Variants in HADHA observed in about 807,000 individuals in gnomAD.
HADHA encodes trifunctional enzyme subunit alpha, mitochondrial.
HADHA carries 59 observed loss-of-function variants against 91.3 expected under a neutral mutation model. The ratio of observed to expected loss-of-function variants is 0.65; its 90% CI spans 0.52 to 0.80. The LOEUF is 0.80. Ranked by LOEUF, HADHA falls within the 30% of genes least tolerant of loss-of-function variation. The pLI, the probability that HADHA is intolerant of heterozygous loss-of-function variation, is 0.00. For synonymous variants in HADHA, 320 were observed against 338.9 expected, an observed-to-expected ratio of 0.94 and a Z score of 0.61; for missense variants, 800 against 927.6, an observed-to-expected ratio of 0.86 and a Z score of 1.79.
intron 7 of HADHA, among the ~76,000 whole-genome samples, chr2:26,222,398 T>C (rs1214533394): frequency 6.6e-6 from 1 of 152,216 alleles, no homozygotes; most frequent in Non-Finnish European, 1.5e-5. Context: ...ACCTGGGGAA[T>C]AGGTCAGTGG....
chr2:26,197,326 G>C (rs1441978721), intron 14 of HADHA, among the ~76,000 whole-genome samples: 2 of 152,178 alleles, frequency 1.3e-5, no homozygotes. Context: ...TCCCTGATCT[G>C]GAGGTGGAAC....
Position 26,197,760 on chromosome 2 carries a change from A to T in HADHA, c.1410T>A (p.Cys470Ter). Residue 470 changes from cysteine to a stop codon, truncating the protein, a stop_gained, in exon 14 of 20, where the codon TGT (cysteine) becomes TGA (stop). Transcript: ENST00000380649. LOFTEE classifies it high-confidence loss of function. ...KEVEAVIPDH[C>*]IFASNTSALP... is the part of the protein sequence containing the mutation. ...GAGCAGATGTGTTACTGGCAAAGAT[A>T]CAGTGATCTGGAATCACCTGCAGGG... The T allele has an allele frequency of 6.5e-7, 1 of 1,531,368 alleles. No homozygotes were observed. Among genetic ancestry groups the T allele is most frequent in the Non-Finnish European group, 9.1e-7 (1 of 1,104,312 alleles). The allele number at this position is 1,531,368 out of a possible 1,614,324, so 94.9% of individuals were successfully genotyped here.
At chr2:26,224,377 A>G (rs538393373) in intron 7 of HADHA, among the ~76,000 whole-genome samples, 1 of 152,362 alleles carries the variant, frequency 6.6e-6, no homozygotes, top group South Asian at 2.1e-4. Context: ...CATCAGCTGA[A>G]TACTGATCTG....
chr2:26,232,283 T>C lies in HADHA; in HGVS notation c.454-4A>G. On this transcript the variant is annotated splice_polypyrimidine_tract_variant and splice_region_variant and intron_variant, in intron 5 of 19. Coordinates refer to ENST00000380649, the MANE Select transcript of HADHA (RefSeq NM_000182.5). Reference sequence around the variant, plus strand: ...TGTATTGGCATGAAATGGCAACCTTTGAACAAATGAAAGAAAATTAGAATG... The same window carrying C: ...TGTATTGGCATGAAATGGCAACCTTCGAACAAATGAAAGAAAATTAGAATG... 1 of 1,592,006 alleles carries C rather than the reference T, an allele frequency of 6.3e-7. No individual in the cohort carries two copies. Among genetic ancestry groups the C allele is most frequent in the Non-Finnish European group, 8.6e-7 (1 of 1,159,970 alleles).
At chr2:26,220,551 G>A (rs1181811473) in intron 7 of HADHA, among the ~76,000 whole-genome samples, 2 of 152,218 alleles carry the variant, frequency 1.3e-5, no homozygotes, top group African/African-American at 4.8e-5. Flanking sequence ...GAATGACAGT[G>A]GATTACTGTA....
In HADHA at chr2:26,204,061, C is replaced by G; in HGVS notation, c.1220+1G>C. 6.2e-7 allele frequency: 1 copy of G among 1,613,826 alleles called. No individual in the cohort carries two copies. Among genetic ancestry groups the G allele is most frequent in the Non-Finnish European group, 8.5e-7 (1 of 1,179,694 alleles). On this transcript the variant is annotated splice_donor_variant, in intron 12 of 19. Coordinates refer to ENST00000380649, the MANE Select transcript of HADHA (RefSeq NM_000182.5). LOFTEE classifies it high-confidence loss of function. ...CTTGCAAAGAGAGAGAGCAGGCTTACCCTTTGAACACTTGTTGCTGTCCTC... is the reference window on the plus strand; with the variant it reads ...CTTGCAAAGAGAGAGAGCAGGCTTAGCCTTTGAACACTTGTTGCTGTCCTC...
chr2:26,201,492 C>A (rs1264699086), intron 12 of HADHA, among the ~76,000 whole-genome samples, 172 bp from the exon 13 acceptor site: 3 of 152,172 alleles, frequency 2.0e-5, no homozygotes, highest in African/African-American at 7.2e-5. Flanking sequence ...GACCTGTGGT[C>A]AAATAGCTTG....
chr2:26,197,318 C>G (rs1367109300), intron 14 of HADHA, among the ~76,000 whole-genome samples: 2 of 152,168 alleles, frequency 1.3e-5, no homozygotes, highest in African/African-American at 2.4e-5. Flanking sequence ...CCTGCCATTC[C>G]CTGATCTGGA....
chr2:26,233,043 G>A lies in HADHA; in HGVS notation c.454-764C>T, dbSNP rs142915308. Among the ~76,000 whole-genome samples, 31 of 152,286 alleles carry A rather than the reference G, an allele frequency of 2.0e-4. No individual in the cohort carries two copies. The East Asian group carries it at 4.8e-3, about 24-fold the overall frequency. ...ATCAGGCAATAGAGGCCAATGGAGTGCGCAACCTGGATCCCTCTCATGTGC... is the reference window on the plus strand; with the variant it reads ...ATCAGGCAATAGAGGCCAATGGAGTACGCAACCTGGATCCCTCTCATGTGC... On this transcript the variant is annotated intron_variant, in intron 5 of 19. Coordinates refer to ENST00000380649, the MANE Select transcript of HADHA (RefSeq NM_000182.5).
At chr2:26,217,694 G>GTCA (rs1327893380) in intron 7 of HADHA, among the ~76,000 whole-genome samples, 4 of 152,000 alleles carry the variant, frequency 2.6e-5, no homozygotes, top group African/African-American at 9.7e-5. Context: ...TGAGCCCAGG[G>GTCA]GTTTGAGACC....
At chr2:26,204,690 C>T (rs977499484) in intron 11 of HADHA, among the ~76,000 whole-genome samples, 31 of 152,172 alleles carry the variant, frequency 2.0e-4, no homozygotes, top group African/African-American at 7.0e-4. Flanking sequence ...TACAAGTGAT[C>T]CTTCTGCCTC....
intron 9 of HADHA, 123 bp from the exon 10 acceptor site, chr2:26,212,749 G>T: frequency 1.3e-6 from 1 of 759,334 alleles, no homozygotes; most frequent in South Asian, 1.4e-5. Flanking sequence ...AGACTGGAAT[G>T]AGAAAGAGAA....
Position 26,230,043 on chromosome 2 carries a change from A to C in HADHA, c.676+149T>G, listed in dbSNP as rs375209420. The C allele has an allele frequency of 5.5e-4, 353 of 641,570 alleles. 7 individuals carry two copies. The African/African-American group carries it at 5.7e-3, about 10-fold the overall frequency. 39.7% of individuals were successfully genotyped at this position (641,570 alleles called of 1,614,324 possible). A position where few individuals can be genotyped will look rare whatever the true frequency, so the allele number is the denominator to read the frequency against. On this transcript the variant is annotated intron_variant, in intron 7 of 19. Transcript: ENST00000380649. ...TCGCCATGTTGGCAAGGCTGGTCTC[A>C]AACTCCTGACCTCAAGTGATCTTCC...
At chr2:26,207,963 A>G (rs1574611779) in intron 11 of HADHA, among the ~76,000 whole-genome samples, 1 of 152,228 alleles carries the variant, frequency 6.6e-6, no homozygotes. Flanking sequence ...GGGACACCCT[A>G]TCTACAATGT....
chr2:26,243,579 G>C (rs1670976279), intron 1 of HADHA, among the ~76,000 whole-genome samples: 2 of 151,950 alleles, frequency 1.3e-5, no homozygotes, highest in Non-Finnish European at 2.9e-5. Context: ...AGGGATTTCA[G>C]CTACTTGTCT....
rs372231497 is a variant in HADHA at position 26,217,489 on chromosome 2, TAAAA to T, written c.677-2318_677-2315del. ...CAATGAATCCCAGACATAATAACTT[TAAAA>T]AAAATCCCAACAAACCAAGGCACAT... On this transcript the variant is annotated intron_variant, in intron 7 of 19. Coordinates refer to ENST00000380649, the MANE Select transcript of HADHA (RefSeq NM_000182.5). 3.3e-4 allele frequency among the ~76,000 whole-genome samples: 50 copies of T among 152,086 alleles called. No individual in the cohort carries two copies. The South Asian group carries it at 9.8e-3, about 30-fold the overall frequency.
At chr2:26,217,708 G>A (rs182210918) in intron 7 of HADHA, among the ~76,000 whole-genome samples, 7 of 152,144 alleles carry the variant, frequency 4.6e-5, no homozygotes, top group Admixed American at 1.3e-4. Flanking sequence ...TGAGACCAGT[G>A]TGGGCAACAT....
intron 1 of HADHA, among the ~76,000 whole-genome samples, chr2:26,243,972 C>T (rs1023075031): frequency 2.0e-5 from 3 of 152,248 alleles, no homozygotes; most frequent in African/African-American, 7.2e-5. Context: ...ACTATACGTT[C>T]ACACTGACAT....
At chr2:26,198,445 G>C (rs994204615) in intron 13 of HADHA, among the ~76,000 whole-genome samples, 3 of 149,678 alleles carry the variant, frequency 2.0e-5, no homozygotes, top group African/African-American at 7.4e-5. Context: ...GTGCAATCTA[G>C]GCTCGCTGCA....
Sources: allele counts gnomAD v4.1 joint callset (sites outside exome capture counted in the v4.1 genomes callset), GRCh38; gene constraint gnomAD v4.1.1; transcripts MANE v1.5; gene names NCBI Gene and HGNC (gene_info 2026-07-23, HGNC 2026-07-21).